VOPP1: variants seen among roughly 807,000 people sequenced by gnomAD.
VOPP1 encodes VOPP1 WW domain binding protein.
Under a neutral mutation model 23.5 loss-of-function variants are expected in VOPP1, and 8 were observed. That is an observed-to-expected ratio of 0.34 (90% CI 0.20 to 0.61). The LOEUF (loss-of-function observed/expected upper bound fraction) is 0.61. Ranked by LOEUF, VOPP1 falls within the 20% of genes least tolerant of loss-of-function variation. The probability of loss-of-function intolerance (pLI) is 0.78; values close to 1 mark genes in which losing one functional copy is unlikely to be tolerated. For synonymous variants in VOPP1, 83 were observed against 97.3 expected, an observed-to-expected ratio of 0.85 and a Z score of 0.86; for missense variants, 174 against 238.1, an observed-to-expected ratio of 0.73 and a Z score of 1.77.
At chr7:55,518,290 G>A (rs1290965245) in intron 2 of VOPP1, among the ~76,000 whole-genome samples, 1 of 152,232 alleles carries the variant, frequency 6.6e-6, no homozygotes, top group Non-Finnish European at 1.5e-5. Flanking sequence ...AGTGCTTCAT[G>A]CTACTGCACG....
At chr7:55,512,200 CG>C in intron 2 of VOPP1, among the ~76,000 whole-genome samples, 1 of 152,070 alleles carries the variant, frequency 6.6e-6, no homozygotes, top group Non-Finnish European at 1.5e-5. Context: ...CCGAGGCAGG[CG>C]GATCACTTGA....
intron 1 of VOPP1, among the ~76,000 whole-genome samples, chr7:55,553,445 G>T (rs1797693030): frequency 6.6e-6 from 1 of 152,066 alleles, no homozygotes; most frequent in African/African-American, 2.4e-5. Context: ...AGGTCACTAG[G>T]CTTGGCTGTA....
intron 4 of VOPP1, among the ~76,000 whole-genome samples, chr7:55,459,397 A>G (rs1305479101): frequency 6.6e-6 from 1 of 152,128 alleles, no homozygotes; most frequent in African/African-American, 2.4e-5. Flanking sequence ...AGAATGAGTT[A>G]GGAAAAATTC....
chr7:55,475,872 G>C (rs1218855970), intron 4 of VOPP1, among the ~76,000 whole-genome samples: 4 of 152,360 alleles, frequency 2.6e-5, no homozygotes, highest in African/African-American at 9.6e-5. Context: ...AATGGCATGG[G>C]ATGGGGATTG....
At chr7:55,494,665 A>C (rs1310259986) in intron 3 of VOPP1, among the ~76,000 whole-genome samples, 1 of 152,226 alleles carries the variant, frequency 6.6e-6, no homozygotes, top group African/African-American at 2.4e-5. Context: ...TTTTTGGTAG[A>C]GACGGAGTCT....
chr7:55,484,921 G>T (rs552989758), intron 4 of VOPP1, among the ~76,000 whole-genome samples: 1 of 152,120 alleles, frequency 6.6e-6, no homozygotes, highest in Non-Finnish European at 1.5e-5. Flanking sequence ...AATCCAGTAC[G>T]CACCTTCTCC....
At chr7:55,520,104 G>A (rs1291313803) in intron 2 of VOPP1, among the ~76,000 whole-genome samples, 5 of 152,098 alleles carry the variant, frequency 3.3e-5, no homozygotes, top group African/African-American at 1.2e-4. Flanking sequence ...CTCCAGCCTG[G>A]TGATACAGCA....
chr7:55,549,583 C>T (rs1262104092), intron 1 of VOPP1, among the ~76,000 whole-genome samples: 4 of 152,180 alleles, frequency 2.6e-5, no homozygotes, highest in South Asian at 2.1e-4. Context: ...TGCAGGTGGC[C>T]GGCAGGAGCA....
chr7:55,534,355 A>C (rs936916799), intron 1 of VOPP1, among the ~76,000 whole-genome samples: 2 of 152,150 alleles, frequency 1.3e-5, no homozygotes, highest in African/African-American at 2.4e-5. Context: ...CAGCTAGTGC[A>C]AGGTCCTGTC....
At chr7:55,502,201 C>A (rs1794416857) in intron 2 of VOPP1, among the ~76,000 whole-genome samples, 1 of 152,206 alleles carries the variant, frequency 6.6e-6, no homozygotes, top group Admixed American at 6.5e-5. Context: ...TATGTAGAGC[C>A]CTCGTCCAGA....
Position 55,494,717 on chromosome 7 carries a change from T to G in VOPP1, c.192-2299A>C, listed in dbSNP as rs1009126943. Among the ~76,000 whole-genome samples, 6 of 152,322 alleles carry G rather than the reference T, an allele frequency of 3.9e-5. No homozygotes were observed. In the South Asian group the frequency reaches 1.0e-3, roughly 26 times the overall value. On this transcript the variant is annotated intron_variant, in intron 3 of 4. Coordinates refer to ENST00000285279, the MANE Select transcript of VOPP1 (RefSeq NM_030796.5). The stretch of plus-strand genomic sequence containing the variant: ...GATCTCAAATTCCTGGCTTCAGTGA[T>G]CCTCCCACCTTGGCCTCCCAAAGTG...
intron 4 of VOPP1, among the ~76,000 whole-genome samples, chr7:55,475,941 G>C (rs1562898855): frequency 6.6e-6 from 1 of 152,184 alleles, no homozygotes; most frequent in South Asian, 2.1e-4. Context: ...GCTACCGCTA[G>C]AGCAGCACCA....
chr7:55,537,795 C>T (rs1184685666), intron 1 of VOPP1: 2 of 1,061,874 alleles, frequency 1.9e-6, no homozygotes, highest in Non-Finnish European at 2.5e-6. Context: ...CATGCACTTC[C>T]CACAGCCCCC....
At chr7:55,493,661 A>G (rs1793738401) in intron 3 of VOPP1, among the ~76,000 whole-genome samples, 1 of 152,168 alleles carries the variant, frequency 6.6e-6, no homozygotes, top group African/African-American at 2.4e-5. Flanking sequence ...CCCTGTCACC[A>G]TACTGATCAC....
At chr7:55,457,980 A>T (rs949758880) in intron 4 of VOPP1, among the ~76,000 whole-genome samples, 1 of 151,006 alleles carries the variant, frequency 6.6e-6, no homozygotes, top group Admixed American at 6.6e-5. Context: ...TGTTTTTGAG[A>T]TCTTAGCCAC....
intron 1 of VOPP1, among the ~76,000 whole-genome samples, chr7:55,561,097 C>A (rs1015152601): frequency 1.3e-5 from 2 of 152,094 alleles, no homozygotes; most frequent in African/African-American, 4.8e-5. Flanking sequence ...GATGCACATG[C>A]ACAGCTTCCC....
At chr7:55,473,178 C>T in intron 4 of VOPP1, 133 bp from the exon 5 acceptor site, 1 of 1,368,070 alleles carries the variant, frequency 7.3e-7, no homozygotes. Context: ...CCCAACATGC[C>T]CGGTGAGGGG....
intron 1 of VOPP1, among the ~76,000 whole-genome samples, chr7:55,529,361 T>C (rs1477289855): frequency 8.3e-5 from 3 of 36,292 alleles, no homozygotes; most frequent in South Asian, 1.8e-3. Context: ...CAAGATTCCG[T>C]CTCAAAAAAA....
chr7:55,533,970 G>C (rs796362819), intron 1 of VOPP1, among the ~76,000 whole-genome samples: 10 of 152,270 alleles, frequency 6.6e-5, no homozygotes, highest in African/African-American at 2.4e-4. Context: ...CTCTGCCTCA[G>C]TGTTGTAAAT....
Sources: allele counts gnomAD v4.1 joint callset (sites outside exome capture counted in the v4.1 genomes callset), GRCh38; gene constraint gnomAD v4.1.1; transcripts MANE v1.5; gene names NCBI Gene and HGNC (gene_info 2026-07-23, HGNC 2026-07-21).